Variants in ADAP1 observed in about 807,000 individuals in gnomAD.
ADAP1 encodes the protein arf-GAP with dual PH domain-containing protein 1.
ADAP1 carries 31 observed loss-of-function variants against 54.9 expected under a neutral mutation model. The ratio of observed to expected loss-of-function variants is 0.56; its 90% CI spans 0.42 to 0.76. The LOEUF is 0.76. Among genes scored for constraint, ADAP1 ranks in the 30% least tolerant of loss-of-function variants. ADAP1 has a pLI of 0.00. For missense variants in ADAP1, 535 were observed against 512.4 expected (o/e 1.04, Z -0.42); for synonymous variants, 313 against 202.6 (o/e 1.55, Z -4.63).
chr7:903,686 G>A (rs1844935999), intron 6 of ADAP1, among the ~76,000 whole-genome samples: 1 of 152,092 alleles, frequency 6.6e-6, no homozygotes, highest in South Asian at 2.1e-4. Context: ...ACCAAGGGCA[G>A]CCAAAGGAAC....
intron 4 of ADAP1, among the ~76,000 whole-genome samples, chr7:916,047 C>A (rs1845921311): frequency 6.6e-6 from 1 of 152,254 alleles, no homozygotes; most frequent in Non-Finnish European, 1.5e-5. Flanking sequence ...AGAAGGGCCA[C>A]TCCAGGGGCC....
chr7:949,661 G>A (rs981717420), intron 1 of ADAP1, among the ~76,000 whole-genome samples: 1 of 152,238 alleles, frequency 6.6e-6, no homozygotes, highest in African/African-American at 2.4e-5. Flanking sequence ...TGCATTTGGA[G>A]AGGGGGCCCA....
chr7:902,779 A>T (rs9719852), intron 6 of ADAP1, among the ~76,000 whole-genome samples: 8 of 152,164 alleles, frequency 5.3e-5, no homozygotes, highest in African/African-American at 1.4e-4. Flanking sequence ...AAGACGAGGG[A>T]CCCTTGCCAA....
At chr7:913,893 C>T (rs1268847370) in intron 4 of ADAP1, among the ~76,000 whole-genome samples, 2 of 152,192 alleles carry the variant, frequency 1.3e-5, no homozygotes, top group African/African-American at 4.8e-5. Context: ...TGAGACCGCA[C>T]CATTGCACCG....
intron 1 of ADAP1, among the ~76,000 whole-genome samples, chr7:951,045 T>C (rs1431427736): frequency 6.6e-6 from 1 of 151,688 alleles, no homozygotes; most frequent in Admixed American, 6.6e-5. Flanking sequence ...GCCCTGGAAC[T>C]GTGCACTCGA....
Position 946,264 on chromosome 7 carries a change from G to T in ADAP1, c.82+8132C>A, listed in dbSNP as rs1055283355. The stretch of plus-strand genomic sequence containing the variant: ...GGATCCAGGCTCCCGCCGGCCGGTG[G>T]ATCCCCGCCAGCGAGGCAGTGACCT... On this transcript the variant is annotated intron_variant, in intron 1 of 10. Coordinates refer to ENST00000265846, the MANE Select transcript of ADAP1 (RefSeq NM_006869.4). The surrounding 1 kb of genome is among the most constrained non-coding windows in gnomAD (Gnocchi z 4.3). Among the ~76,000 whole-genome samples the T allele has an allele frequency of 1.3e-5, 2 of 152,104 alleles. No individual in the cohort carries two copies. The highest frequency in any genetic ancestry group is 6.5e-5 in the Admixed American group (1 of 15,280).
chr7:905,896 GAGAAAGGA>G (rs1562913194), intron 4 of ADAP1, among the ~76,000 whole-genome samples: 2 of 17,100 alleles, frequency 1.2e-4, no homozygotes, highest in Non-Finnish European at 2.6e-4. Context: ...AAGGAGAAAG[GAGAAAGGA>G]GAAAGGGAAA....
At position 938,623 on chromosome 7, in the gene ADAP1, G is replaced by A. The variant is rs1846850001; in HGVS notation, c.83-3118C>T. Among the ~76,000 whole-genome samples, 4 of 152,290 alleles carry A rather than the reference G, an allele frequency of 2.6e-5. No individual in the cohort carries two copies. The highest frequency in any genetic ancestry group is 7.2e-5 in the African/African-American group (3 of 41,556). ...GAAAGATGCCGCAAATGCTCGGTAC[G>A]TGGCTGTGCGAGGGGCGCCCAGAAG... On this transcript the variant is annotated intron_variant, in intron 1 of 10. Transcript: ENST00000265846. The surrounding 1 kb of genome is among the most constrained non-coding windows in gnomAD (Gnocchi z 4.4).
chr7:911,841 C>T (rs1415082493), intron 4 of ADAP1, among the ~76,000 whole-genome samples: 1 of 152,062 alleles, frequency 6.6e-6, no homozygotes, highest in Non-Finnish European at 1.5e-5. Flanking sequence ...GGAGCCGACA[C>T]CCACCCAGAG....
intron 3 of ADAP1, among the ~76,000 whole-genome samples, chr7:925,584 C>T (rs890629133): frequency 3.9e-5 from 6 of 152,164 alleles, no homozygotes; most frequent in African/African-American, 1.4e-4. Flanking sequence ...CCAAACAGGG[C>T]CCCGGATGCT....
At chr7:902,790 C>CGAGGGTCCCTTGCCA (rs1187047754) in intron 6 of ADAP1, among the ~76,000 whole-genome samples, 1 of 152,158 alleles carries the variant, frequency 6.6e-6, no homozygotes, top group Non-Finnish European at 1.5e-5. Context: ...CCCTTGCCAA[C>CGAGGGTCCCTTGCCA]ACACGCACAG....
At chr7:914,268 C>G (rs575457002) in intron 4 of ADAP1, among the ~76,000 whole-genome samples, 1 of 152,334 alleles carries the variant, frequency 6.6e-6, no homozygotes, top group South Asian at 2.1e-4. Flanking sequence ...TGTGGCAGGC[C>G]CTTCCCAAGC....
In ADAP1 at chr7:910,634, T is replaced by C. The variant is rs559179941; in HGVS notation, c.389-5462A>G. Reference sequence around the variant, plus strand: ...GTAGATGTAAATCACACCTCACGTATGTGATTTATATGCTAATTGTCTTGT... The same window carrying C: ...GTAGATGTAAATCACACCTCACGTACGTGATTTATATGCTAATTGTCTTGT... On this transcript the variant is annotated intron_variant, in intron 4 of 10. Transcript: ENST00000265846. 3.1e-4 allele frequency among the ~76,000 whole-genome samples: 47 copies of C among 152,316 alleles called. 1 individual carries two copies. The highest frequency in any genetic ancestry group is 1.1e-3 in the African/African-American group (46 of 41,580).
intron 2 of ADAP1, 74 bp downstream of exon 2, chr7:935,301 A>G: frequency 6.6e-7 from 1 of 1,517,390 alleles, no homozygotes; most frequent in Non-Finnish European, 8.9e-7. Context: ...GCCGCCCGGC[A>G]TCTCTGGCTC....
At chr7:923,916 G>A (rs1286290761) in intron 3 of ADAP1, among the ~76,000 whole-genome samples, 3 of 152,264 alleles carry the variant, frequency 2.0e-5, no homozygotes. Context: ...AGACGTGGGA[G>A]GAAGGTGGAC....
rs947540991 is a variant in ADAP1, at chr7:935,438, A to T, written c.150T>A (p.Asn50Lys). 2 of 1,559,556 alleles carry T rather than the reference A, an allele frequency of 1.3e-6. No homozygotes were observed. Residue 50 changes from asparagine to lysine, a missense_variant, in exon 2 of 11, where the codon AAT becomes AAA. Asn to Lys is a moderately conservative substitution (Grantham distance 94). Transcript: ENST00000265846. ...ICLSCSGIHR[N>K]IPQVSKVKSV... ...ACTTCACCTTGCTGACCTGGGGGAT[A>T]TTCCGGTGGATTCCCGAGCAGCTCA...
chr7:935,012 C>G (rs1347766227), intron 2 of ADAP1: 1 of 387,582 alleles, frequency 2.6e-6, no homozygotes, highest in East Asian at 7.4e-5. Flanking sequence ...ACGCTGCATT[C>G]TGTTTCCTTA....
chr7:902,598 A>G (rs987453897), intron 6 of ADAP1, among the ~76,000 whole-genome samples: 17 of 151,840 alleles, frequency 1.1e-4, no homozygotes, highest in African/African-American at 3.9e-4. Flanking sequence ...AATTTCCCAG[A>G]AAGTAGAAGA....
intron 4 of ADAP1, among the ~76,000 whole-genome samples, chr7:911,142 G>A (rs1845705752): frequency 6.6e-6 from 1 of 152,196 alleles, no homozygotes; most frequent in African/African-American, 2.4e-5. Flanking sequence ...GCTTCGCCCT[G>A]CGTGGAGCTC....
Sources: allele counts gnomAD v4.1 joint callset (sites outside exome capture counted in the v4.1 genomes callset), GRCh38; gene constraint gnomAD v4.1.1; non-coding constraint Gnocchi (gnomAD v3.1); transcripts MANE v1.5; gene names NCBI Gene and HGNC (gene_info 2026-07-23, HGNC 2026-07-21).